The following CEP164 variants were observed in gnomAD, a reference collection of about 807,000 sequenced individuals.
CEP164 encodes centrosomal protein of 164 kDa.
Under a neutral mutation model 182.7 loss-of-function variants are expected in CEP164, and 162 were observed. The observed-to-expected ratio is 0.89, with a 90% CI of 0.78 to 1.01. CEP164 has a LOEUF of 1.01. Among genes scored for constraint, CEP164 ranks in the 50% least tolerant of loss-of-function variants. CEP164 has a pLI of 0.00. For missense variants in CEP164, 1,735 were observed against 1,790.4 expected (o/e 0.97, Z 0.56); for synonymous variants, 661 against 690.0 (o/e 0.96, Z 0.66).
At chr11:117,333,707 T>C (rs927878791) in intron 1 of CEP164, among the ~76,000 whole-genome samples, 2 of 151,782 alleles carry the variant, frequency 1.3e-5, no homozygotes, top group East Asian at 3.9e-4. Flanking sequence ...TTTTAATTTT[T>C]TTTGTACAGG....
intron 4 of CEP164, 86 bp downstream of exon 4, chr11:117,344,363 C>A: frequency 1.2e-6 from 1 of 855,168 alleles, no homozygotes; most frequent in South Asian, 1.6e-5. Context: ...AACTGGCCAG[C>A]TTTTCCAAGC....
chr11:117,326,623 T>A (rs1205891986), upstream of CEP164, among the ~76,000 whole-genome samples: 1 of 152,194 alleles, frequency 6.6e-6, no homozygotes, highest in Non-Finnish European at 1.5e-5. Context: ...CTTCATGGTC[T>A]TCCCTGGCTC....
intron 3 of CEP164, among the ~76,000 whole-genome samples, chr11:117,339,913 G>C (rs2037838321): frequency 6.6e-6 from 1 of 152,082 alleles, no homozygotes; most frequent in Non-Finnish European, 1.5e-5. Flanking sequence ...GGAAATCAAG[G>C]CACAGAAAGA....
At chr11:117,381,980 G>T in intron 13 of CEP164, 112 bp downstream of exon 13, 1 of 932,508 alleles carries the variant, frequency 1.1e-6, no homozygotes, top group Non-Finnish European at 1.5e-6. Context: ...GCTTGGGGAG[G>T]GAGTGGGGAG....
chr11:117,402,225 CTT>C (rs760678070), intron 27 of CEP164, among the ~76,000 whole-genome samples: 12 of 141,110 alleles, frequency 8.5e-5, no homozygotes, highest in Non-Finnish European at 9.4e-5. Context: ...CTTTTCTTGT[CTT>C]TTTTTTTTTT....
chr11:117,351,095 C>A (rs1010332079), intron 4 of CEP164, among the ~76,000 whole-genome samples: 1 of 152,146 alleles, frequency 6.6e-6, no homozygotes, highest in Non-Finnish European at 1.5e-5. Flanking sequence ...TGCAATGGCA[C>A]AATCTTGGCT....
intron 19 of CEP164, 65 bp from the exon 20 acceptor site, chr11:117,392,938 GC>G (rs1289082842): frequency 1.2e-6 from 2 of 1,601,662 alleles, no homozygotes; most frequent in Non-Finnish European, 1.7e-6. Context: ...ACCTTCAGGT[GC>G]AGCAGGCCCT....
At chr11:117,403,887 G>A (rs1041225214) in intron 27 of CEP164, among the ~76,000 whole-genome samples, 2 of 151,502 alleles carry the variant, frequency 1.3e-5, no homozygotes, top group Admixed American at 1.3e-4. Context: ...TTGTCTTCAC[G>A]CTTTATTTCA....
chr11:117,342,331 T>A (rs534792356), intron 3 of CEP164, among the ~76,000 whole-genome samples: 1 of 152,252 alleles, frequency 6.6e-6, no homozygotes, highest in Non-Finnish European at 1.5e-5. Context: ...GATTTTCCAC[T>A]GAGATGGCTC....
In CEP164 at chr11:117,407,994, G is replaced by A. The variant is rs141487284; in HGVS notation, c.3571G>A (p.Glu1191Lys). ...CCACAACCTGCTGAAGAAGAAAGAG[G>A]AGAAGCTGAATCAGTTGGAGTCCTC... ...KGHNLLKKKE[E>K]KLNQLESSLW... is the part of the protein sequence containing the mutation. Residue 1191 changes from glutamate (E) to lysine (K), a missense_variant, in exon 28 of 33, where the codon GAG becomes AAG. Coordinates refer to ENST00000278935, the MANE Select transcript of CEP164 (RefSeq NM_014956.5). The A allele has an allele frequency of 6.2e-7, 1 of 1,600,466 alleles. No individual in the cohort carries two copies. The highest frequency in any genetic ancestry group is 1.7e-5 in the Admixed American group (1 of 58,248).
At chr11:117,325,422 G>C (rs562126885), upstream of CEP164, among the ~76,000 whole-genome samples, 2 of 151,954 alleles carry the variant, frequency 1.3e-5, no homozygotes, top group South Asian at 4.2e-4. Flanking sequence ...CTTCGCTCTT[G>C]TCAAACAGGG....
Position 117,409,539 on chromosome 11 carries a change from C to G in CEP164, c.3749-79C>G. On this transcript the variant is annotated intron_variant, in intron 29 of 32. Transcript: ENST00000278935. The surrounding 1 kb of genome is among the most constrained non-coding windows in gnomAD (Gnocchi z 4.4). ...GCAGGGAGGGGTGGCCAGTAGGGTC[C>G]TCCATGACAGCTGTGTCTGGGAATG... 2 of 1,337,226 alleles carry G rather than the reference C, an allele frequency of 1.5e-6. No homozygotes were observed. Among genetic ancestry groups the G allele is most frequent in the African/African-American group, 2.9e-5 (2 of 69,478 alleles). 82.8% of individuals were successfully genotyped at this position (1,337,226 alleles called of 1,614,324 possible).
At chr11:117,390,944 G>A in intron 16 of CEP164, 36 bp downstream of exon 16, 1 of 1,613,942 alleles carries the variant, frequency 6.2e-7, no homozygotes, top group Non-Finnish European at 8.5e-7. Context: ...GCCCAGCCCT[G>A]CGGAGGCGAC....
intron 27 of CEP164, among the ~76,000 whole-genome samples, chr11:117,405,612 C>T (rs1280885704): frequency 6.6e-6 from 1 of 152,188 alleles, no homozygotes; most frequent in African/African-American, 2.4e-5. Flanking sequence ...TCTTGCCAGC[C>T]ACTCCAGGGT....
chr11:117,399,685 T>C (rs2045922465), intron 27 of CEP164, among the ~76,000 whole-genome samples: 2 of 152,352 alleles, frequency 1.3e-5, no homozygotes, highest in South Asian at 4.1e-4. Flanking sequence ...TTCTAACCAA[T>C]GTGAGATGGT....
intron 26 of CEP164, 36 bp downstream of exon 26, chr11:117,396,647 G>C: frequency 6.5e-7 from 1 of 1,530,768 alleles, no homozygotes; most frequent in Non-Finnish European, 9.1e-7. Flanking sequence ...TGAGGTTAGG[G>C]TACCATGAAG....
intron 8 of CEP164, among the ~76,000 whole-genome samples, chr11:117,363,726 A>G (rs1282718534): frequency 8.4e-6 from 1 of 119,134 alleles, no homozygotes; most frequent in Non-Finnish European, 1.7e-5. Flanking sequence ...ATCAACACTC[A>G]TTATGTTATT....
Position 117,387,238 on chromosome 11 carries a change from T to A in CEP164, c.1760T>A (p.Leu587His), listed in dbSNP as rs770790443. 2.3e-5 allele frequency: 37 copies of A among 1,614,070 alleles called. No individual in the cohort carries two copies. The highest frequency in any genetic ancestry group is 3.1e-5 in the Non-Finnish European group (37 of 1,179,980). The stretch of plus-strand genomic sequence containing the variant: ...GAGCCTGTGGCTCCCCCAGAGCAGC[T>A]CTCAGAGGCTGCACTAAAGGCCATG... ...STEPVAPPEQ[L>H]SEAALKAMEE... Residue 587 changes from leucine to histidine, a missense_variant, in exon 15 of 33, where the codon CTC becomes CAC. Physicochemically the swap from Leu to His is moderately conservative, Grantham distance 99. Transcript: ENST00000278935.
intron 30 of CEP164, 86 bp from the exon 31 acceptor site, chr11:117,410,742 T>G: frequency 9.3e-7 from 1 of 1,073,952 alleles, no homozygotes; most frequent in Non-Finnish European, 1.4e-6. Context: ...TTTCCTTTTA[T>G]TGTTTATTCT....
Sources: gnomAD v4.1 joint callset for allele counts (sites outside exome capture counted in the v4.1 genomes callset) on GRCh38, gnomAD v4.1.1 for gene constraint, Gnocchi (gnomAD v3.1) non-coding constraint, MANE v1.5 for transcripts, NCBI Gene and HGNC (gene_info 2026-07-23, HGNC 2026-07-21) for gene names.